The following CFTR variants were observed in gnomAD, a reference collection of about 807,000 sequenced individuals.
CFTR encodes the protein cystic fibrosis transmembrane conductance regulator.
Under a neutral mutation model 171.6 loss-of-function variants are expected in CFTR, and 181 were observed. The observed-to-expected ratio is 1.05, with a 90% CI of 0.93 to 1.19. The LOEUF is 1.19. Among genes scored for constraint, CFTR ranks in the 50% most tolerant of loss-of-function variants. The pLI, the probability that CFTR is intolerant of heterozygous loss-of-function variation, is 0.00. For missense variants in CFTR, 1,968 were observed against 1,734.7 expected, an observed-to-expected ratio of 1.13 and a Z score of -2.39; for synonymous variants, 583 against 608.0, an observed-to-expected ratio of 0.96 and a Z score of 0.60.
At chr7:117,499,258 C>A (rs1347137391) in intron 1 of CFTR, among the ~76,000 whole-genome samples, 2 of 151,608 alleles carry the variant, frequency 1.3e-5, no homozygotes, top group Non-Finnish European at 1.5e-5. Context: ...AAAGTCAGAT[C>A]GAAAAATGAG....
At chr7:117,651,621 T>C (rs919017996) in intron 23 of CFTR, among the ~76,000 whole-genome samples, 1 of 152,188 alleles carries the variant, frequency 6.6e-6, no homozygotes, top group Non-Finnish European at 1.5e-5. Context: ...AGGAAGGTGA[T>C]TTTTATGTAG....
intron 10 of CFTR, among the ~76,000 whole-genome samples, chr7:117,553,860 A>T (rs1341549241): frequency 1.3e-5 from 2 of 152,168 alleles, no homozygotes; most frequent in Non-Finnish European, 2.9e-5. Flanking sequence ...GTGAGGGATT[A>T]GGGAATGCAG....
intron 22 of CFTR, among the ~76,000 whole-genome samples, chr7:117,640,443 A>G (rs1443191356): frequency 6.6e-6 from 1 of 152,088 alleles, no homozygotes; most frequent in Admixed American, 6.6e-5. Context: ...AAATTTTAGT[A>G]TTTTTTTCTG....
chr7:117,502,340 G>T (rs1416898052), intron 1 of CFTR, among the ~76,000 whole-genome samples: 2 of 152,204 alleles, frequency 1.3e-5, no homozygotes, highest in Non-Finnish European at 2.9e-5. Context: ...ATTGAGCAAT[G>T]ATCCCTTTTA....
chr7:117,627,645 G>A lies in CFTR; in HGVS notation c.3592G>A (p.Val1198Met), dbSNP rs576710089. 2.5e-5 allele frequency: 41 copies of A among 1,613,464 alleles called. No individual in the cohort carries two copies. The highest frequency in any genetic ancestry group is 8.3e-5 in the Admixed American group (5 of 59,950). The change falls in exon 22 of 27, where the codon GTG becomes ATG. Residue 1198 changes from valine (V) to methionine (M), a missense_variant. Transcript: ENST00000003084. ...AGTTATGATTATTGAGAATTCACAC[G>A]TGAAGAAAGATGACATCTGGCCCTC... is the stretch of plus-strand genomic sequence containing the variant. ...SKVMIIENSH[V>M]KKDDIWPSGG...
chr7:117,640,677 T>C (rs972911654), intron 22 of CFTR, among the ~76,000 whole-genome samples: 28 of 152,170 alleles, frequency 1.8e-4, no homozygotes, highest in Non-Finnish European at 2.1e-4. Flanking sequence ...AGAAAAATCA[T>C]GACACATGAT....
At chr7:117,648,217 G>A (rs1793028396) in intron 23 of CFTR, among the ~76,000 whole-genome samples, 1 of 151,652 alleles carries the variant, frequency 6.6e-6, no homozygotes. Flanking sequence ...AAACAGCACT[G>A]TATGCTTAAA....
intron 22 of CFTR, among the ~76,000 whole-genome samples, chr7:117,641,555 C>A (rs542433599): frequency 4.6e-5 from 7 of 152,170 alleles, no homozygotes; most frequent in African/African-American, 1.7e-4. Flanking sequence ...TATTCAGTGC[C>A]ACTAACTGTC....
chr7:117,559,893 A>G (rs1402960588), intron 11 of CFTR, among the ~76,000 whole-genome samples: 2 of 152,232 alleles, frequency 1.3e-5, no homozygotes, highest in East Asian at 3.9e-4. Context: ...ATCACAATAA[A>G]TGCATTTTAT....
chr7:117,516,945 CTTTTTCT>C (rs1288226969), intron 3 of CFTR, among the ~76,000 whole-genome samples: 2 of 151,954 alleles, frequency 1.3e-5, no homozygotes, highest in Non-Finnish European at 2.9e-5. Flanking sequence ...CACATTTTTT[CTTTTTCT>C]TTTTTCTTTT....
intron 15 of CFTR, among the ~76,000 whole-genome samples, chr7:117,600,850 A>T (rs188660387): frequency 5.6e-4 from 85 of 152,234 alleles, no homozygotes; most frequent in African/African-American, 1.9e-3. Context: ...AAATGAAATG[A>T]CAGAACTTGC....
chr7:117,572,094 C>T (rs540743789), intron 11 of CFTR, among the ~76,000 whole-genome samples: 4 of 152,106 alleles, frequency 2.6e-5, no homozygotes, highest in South Asian at 4.2e-4. Context: ...CTCTGCCTCC[C>T]GGGTTCAAGC....
intron 9 of CFTR, among the ~76,000 whole-genome samples, chr7:117,546,506 G>A (rs1054784765): frequency 2.6e-4 from 40 of 152,068 alleles, no homozygotes; most frequent in Admixed American, 1.6e-3. Flanking sequence ...AATGTGTGGA[G>A]TGATATCCAT....
chr7:117,545,253 C>T (rs898165583), intron 9 of CFTR, among the ~76,000 whole-genome samples: 7 of 152,186 alleles, frequency 4.6e-5, no homozygotes, highest in Non-Finnish European at 8.8e-5. Flanking sequence ...AGACCCTCCC[C>T]CATGATTCAA....
intron 11 of CFTR, among the ~76,000 whole-genome samples, chr7:117,584,570 A>G (rs762785534): frequency 2.6e-5 from 4 of 152,136 alleles, no homozygotes; most frequent in Admixed American, 6.5e-5. Flanking sequence ...TTTAGTAACT[A>G]TAGCCTTGTA....
chr7:117,515,748 A>G (rs1274159446), intron 3 of CFTR, among the ~76,000 whole-genome samples: 2 of 152,146 alleles, frequency 1.3e-5, no homozygotes, highest in Non-Finnish European at 2.9e-5. Context: ...TGGGCAGTAT[A>G]GCCATGTTCA....
At chr7:117,636,756 A>G (rs978427178) in intron 22 of CFTR, among the ~76,000 whole-genome samples, 5 of 148,878 alleles carry the variant, frequency 3.4e-5, no homozygotes, top group Non-Finnish European at 7.4e-5. Context: ...TTGAATCTCC[A>G]TTTCTCTTCT....
chr7:117,624,891 A>G (rs978425113), intron 21 of CFTR, among the ~76,000 whole-genome samples: 5 of 152,214 alleles, frequency 3.3e-5, no homozygotes, highest in Non-Finnish European at 2.9e-5. Flanking sequence ...TGAAACTTAA[A>G]TGATCAGAAT....
intron 11 of CFTR, among the ~76,000 whole-genome samples, chr7:117,567,693 C>A (rs574213181): frequency 6.6e-6 from 1 of 152,176 alleles, no homozygotes; most frequent in South Asian, 2.1e-4. Flanking sequence ...ATTTGGGGGG[C>A]AAAGATATCA....
Sources: gnomAD v4.1 joint callset for allele counts (sites outside exome capture counted in the v4.1 genomes callset) on GRCh38, gnomAD v4.1.1 for gene constraint, MANE v1.5 for transcripts, NCBI Gene and HGNC (gene_info 2026-07-23, HGNC 2026-07-21) for gene names.